Variants in CLOCK observed in about 807,000 individuals in gnomAD.
CLOCK encodes circadian locomoter output cycles protein kaput.
Under a neutral mutation model 118.4 loss-of-function variants are expected in CLOCK, and 43 were observed. The observed-to-expected ratio is 0.36, with a 90% CI of 0.28 to 0.47. The LOEUF is 0.47. Among genes scored for constraint, CLOCK ranks in the 20% least tolerant of loss-of-function variants. The pLI is 1.00. For synonymous variants in CLOCK, 326 were observed against 339.2 expected, an observed-to-expected ratio of 0.96 and a Z score of 0.43; for missense variants, 846 against 999.9, an observed-to-expected ratio of 0.85 and a Z score of 2.08.
Position 55,443,095 on chromosome 4 carries a change from A to C in CLOCK, c.1903-461T>G, listed in dbSNP as rs560428077. ...AGGCTTCCTGGTCAGCCTCTTGAGC[A>C]AGTCATACCTTTTAAACACAGAAAT... is the stretch of plus-strand genomic sequence containing the variant. On this transcript the variant is annotated intron_variant, in intron 20 of 22. Transcript: ENST00000513440. Among the ~76,000 whole-genome samples, 3 of 152,326 alleles carry C rather than the reference A, an allele frequency of 2.0e-5. No individual in the cohort carries two copies. In the East Asian group the frequency reaches 5.8e-4, roughly 29 times the overall value.
intron 7 of CLOCK, among the ~76,000 whole-genome samples, chr4:55,471,392 G>A (rs1726136184): frequency 6.6e-6 from 1 of 152,160 alleles, no homozygotes; most frequent in Non-Finnish European, 1.5e-5. Context: ...TTTTAGGGCA[G>A]GGGGCTGTGC....
chr4:55,496,427 G>A lies in CLOCK; in HGVS notation c.-135-6962C>T, dbSNP rs1362908417. ...GGTTATGTTGTTAATTACCTTCTAT[G>A]AGAAATGCTTCATTCTTTTTCATGT... is the stretch of plus-strand genomic sequence containing the variant. On this transcript the variant is annotated intron_variant, in intron 2 of 22. Coordinates refer to ENST00000513440, the MANE Select transcript of CLOCK (RefSeq NM_004898.4). Among the ~76,000 whole-genome samples, 5 of 152,236 alleles carry A rather than the reference G, an allele frequency of 3.3e-5. No individual in the cohort carries two copies. In the East Asian group the frequency reaches 9.7e-4, roughly 29 times the overall value.
intron 7 of CLOCK, among the ~76,000 whole-genome samples, chr4:55,474,692 A>C (rs1577748825): frequency 6.6e-6 from 1 of 152,204 alleles, no homozygotes; most frequent in Non-Finnish European, 1.5e-5. Flanking sequence ...AAAGTCCCAA[A>C]GCCCTTAAGA....
At chr4:55,531,170 GAAGAAAT>G (rs934089821) in intron 1 of CLOCK, among the ~76,000 whole-genome samples, 3 of 151,786 alleles carry the variant, frequency 2.0e-5, no homozygotes, top group Non-Finnish European at 4.4e-5. Context: ...TGAAGTACAA[GAAGAAAT>G]AAGTAAATAT....
chr4:55,453,429 A>G (rs1724645334), intron 14 of CLOCK: 1 of 484,444 alleles, frequency 2.1e-6, no homozygotes, highest in Non-Finnish European at 3.6e-6. Flanking sequence ...GACTGACATT[A>G]CTACATAAAT....
At chr4:55,544,194 AC>A (rs1731464020) in intron 1 of CLOCK, among the ~76,000 whole-genome samples, 1 of 150,952 alleles carries the variant, frequency 6.6e-6, no homozygotes, top group Admixed American at 6.6e-5. Context: ...ACACACACAC[AC>A]ACACCCCAAT....
At chr4:55,444,038 A>AT in intron 19 of CLOCK, 142 bp from the exon 20 acceptor site, 1 of 658,604 alleles carries the variant, frequency 1.5e-6, no homozygotes, top group Non-Finnish European at 2.6e-6. Context: ...TTAGCAATAA[A>AT]TAAGTAGTGA....
chr4:55,470,854 T>C, intron 7 of CLOCK, 48 bp from the exon 8 acceptor site: 1 of 1,326,396 alleles, frequency 7.5e-7, no homozygotes. Context: ...AAAAGTATTT[T>C]GCAGGACAGA....
chr4:55,495,265 T>C (rs1727985464), intron 2 of CLOCK, among the ~76,000 whole-genome samples: 1 of 152,206 alleles, frequency 6.6e-6, no homozygotes, highest in Non-Finnish European at 1.5e-5. Flanking sequence ...GAACTCATGG[T>C]ACACATCGTC....
rs1577653342 is a variant in CLOCK at position 55,431,202 on chromosome 4, T to G, written c.*4213A>C. On this transcript the variant is annotated 3_prime_UTR_variant, in exon 23 of 23. Transcript: ENST00000513440. ...CGTAAAGGATCCCCAGGCATGAGAGTTGGGTCTTCTCACCTGTCTCATAAA... is the reference window on the plus strand; with the variant it reads ...CGTAAAGGATCCCCAGGCATGAGAGGTGGGTCTTCTCACCTGTCTCATAAA... The G allele has an allele frequency of 6.6e-6, 1 of 152,106 alleles. No individual in the cohort carries two copies. The highest frequency in any genetic ancestry group is 2.4e-5 in the African/African-American group (1 of 41,424). 9.4% of individuals were successfully genotyped at this position (152,106 alleles called of 1,614,324 possible).
At chr4:55,526,133 C>G (rs1450676225) in intron 1 of CLOCK, among the ~76,000 whole-genome samples, 1 of 152,118 alleles carries the variant, frequency 6.6e-6, no homozygotes, top group Non-Finnish European at 1.5e-5. Flanking sequence ...TAATCCCAAG[C>G]ATTTCAGATA....
intron 2 of CLOCK, among the ~76,000 whole-genome samples, chr4:55,495,264 G>T (rs1443821223): frequency 6.6e-6 from 1 of 151,994 alleles, no homozygotes; most frequent in Non-Finnish European, 1.5e-5. Context: ...GGAACTCATG[G>T]TACACATCGT....
rs1247956042 is a variant in CLOCK, at chr4:55,541,876, TAA to T, written c.-290+4904_-290+4905del. Among the ~76,000 whole-genome samples, 3 of 151,710 alleles carry T rather than the reference TAA, an allele frequency of 2.0e-5. No individual in the cohort carries two copies. In the East Asian group the frequency reaches 5.8e-4, roughly 29 times the overall value. On this transcript the variant is annotated intron_variant, in intron 1 of 22. Transcript: ENST00000513440. ...CCTTACGTTATCAAGAGCTAAGATC[TAA>T]GTTTCCTTTCTTAACTAATTAAAAG...
intron 1 of CLOCK, among the ~76,000 whole-genome samples, chr4:55,515,238 T>G (rs938690951): frequency 1.1e-4 from 17 of 152,212 alleles, no homozygotes; most frequent in African/African-American, 4.1e-4. Flanking sequence ...TACTTTCATG[T>G]CTTCTATTAG....
intron 1 of CLOCK, among the ~76,000 whole-genome samples, chr4:55,529,861 C>G (rs549100293): frequency 1.4e-4 from 22 of 152,208 alleles, no homozygotes; most frequent in Middle Eastern, 3.4e-3. Context: ...GAAATGATAC[C>G]AGCAGAAAAT....
intron 11 of CLOCK, among the ~76,000 whole-genome samples, chr4:55,458,563 T>TA (rs1344954039): frequency 6.6e-6 from 1 of 152,136 alleles, no homozygotes; most frequent in Non-Finnish European, 1.5e-5. Flanking sequence ...ATTTAAAAGT[T>TA]ACCTTCTAAA....
Position 55,438,327 on chromosome 4 carries a change from T to A in CLOCK, c.2316A>T (p.Gln772His), listed in dbSNP as rs182492164. The A allele has an allele frequency of 2.4e-5, 39 of 1,614,122 alleles. No individual in the cohort carries two copies. In the East Asian group the frequency reaches 7.8e-4, roughly 32 times the overall value. Residue 772 changes from glutamine to histidine, a missense_variant, in exon 22 of 23, where the codon CAA (glutamine) becomes CAT (histidine). This residue lies in a region of CLOCK where 520 missense variants were observed against 558.0 expected (regional missense o/e 0.93). Coordinates refer to ENST00000513440, the MANE Select transcript of CLOCK (RefSeq NM_004898.4). Reference sequence around the variant, plus strand: ...GCTGGGTCAGCTGAGCCTGAGATGGTTGCTGAACTGAAGTGAGCTGCTGCT... The same window carrying A: ...GCTGGGTCAGCTGAGCCTGAGATGGATGCTGAACTGAAGTGAGCTGCTGCT... ...SQEQQLTSVQQPSQAQLTQPP... is the reference protein window; with the variant it reads ...SQEQQLTSVQHPSQAQLTQPP...
rs1205170656 is a variant in CLOCK, at chr4:55,432,825, A to G, written c.*2590T>C. 2.0e-5 allele frequency: 3 copies of G among 151,506 alleles called. No homozygotes were observed. Among genetic ancestry groups the G allele is most frequent in the African/African-American group, 7.4e-5 (3 of 40,674 alleles). 9.4% of individuals were successfully genotyped at this position (151,506 alleles called of 1,614,324 possible). On this transcript the variant is annotated 3_prime_UTR_variant, in exon 23 of 23. Transcript: ENST00000513440. ...AGCTGCGAAGAACAGTAAGAATCAT[A>G]AAGGAAAATTTTAATTTTTTCCCCC...
At chr4:55,522,528 C>T (rs1729911329) in intron 1 of CLOCK, among the ~76,000 whole-genome samples, 1 of 149,802 alleles carries the variant, frequency 6.7e-6, no homozygotes, top group East Asian at 2.0e-4. Flanking sequence ...GCATAAAGAA[C>T]GAATAAACAT....
Sources: gnomAD v4.1 joint callset for allele counts (sites outside exome capture counted in the v4.1 genomes callset) on GRCh38, gnomAD v4.1.1 for gene constraint, gnomAD v4.1.1 regional missense constraint, MANE v1.5 for transcripts, NCBI Gene and HGNC (gene_info 2026-07-23, HGNC 2026-07-21) for gene names.